Variants in TACC2 observed in about 807,000 individuals in gnomAD.
The protein encoded by TACC2 is transforming acidic coiled-coil-containing protein 2.
A neutral mutation model predicts 227.3 loss-of-function variants in TACC2; 137 were observed. The ratio of observed to expected loss-of-function variants is 0.60; its 90% CI spans 0.52 to 0.69. The LOEUF is 0.69. Ranked by LOEUF, TACC2 falls within the 30% of genes least tolerant of loss-of-function variation. TACC2 has a pLI of 0.00. For missense variants in TACC2, 3,470 were observed against 3,694.4 expected, an observed-to-expected ratio of 0.94 and a Z score of 1.57; for synonymous variants, 1,523 against 1,487.5, an observed-to-expected ratio of 1.02 and a Z score of -0.55.
chr10:122,238,527 A>C (rs1381951706), intron 18 of TACC2, among the ~76,000 whole-genome samples: 1 of 152,154 alleles, frequency 6.6e-6, no homozygotes, highest in Non-Finnish European at 1.5e-5. Flanking sequence ...GGCTCACTGC[A>C]ACCTCCAACT....
chr10:122,178,578 C>G (rs1026214882), intron 7 of TACC2, among the ~76,000 whole-genome samples: 4 of 151,082 alleles, frequency 2.6e-5, no homozygotes, highest in African/African-American at 4.9e-5. Flanking sequence ...GCATCCTGTG[C>G]TGAGTTAAGA....
intron 18 of TACC2, among the ~76,000 whole-genome samples, chr10:122,240,363 G>A (rs923583797): frequency 2.0e-5 from 3 of 152,106 alleles, no homozygotes; most frequent in African/African-American, 4.8e-5. Context: ...AAGAACCCTC[G>A]GAGGCTCATC....
chr10:122,078,897 A>G (rs927287152), intron 3 of TACC2: 1 of 152,220 alleles, frequency 6.6e-6, no homozygotes, highest in Non-Finnish European at 1.5e-5. Context: ...TACTCCATGG[A>G]AAATTTGTTC....
chr10:122,025,612 T>A (rs1565098506), intron 2 of TACC2, among the ~76,000 whole-genome samples: 1 of 144,580 alleles, frequency 6.9e-6, no homozygotes, highest in South Asian at 2.2e-4. Context: ...CTTGCTCTGT[T>A]GCCCAGGCTG....
At chr10:122,082,578 G>T (rs962547637) in intron 3 of TACC2, 69 bp from the exon 4 acceptor site, 4 of 1,526,628 alleles carry the variant, frequency 2.6e-6, no homozygotes, top group African/African-American at 2.8e-5. Context: ...GGGTTGGGGG[G>T]TGACCTGCCT....
rs200150846 is a variant in TACC2, at chr10:122,087,465, G to A, written c.4965G>A (p.Thr1655=). The part of the protein sequence containing the change: ...EANSEPWTLD[T]LGGERRPGVT... ...ACAGTGAGCCCTGGACCCTTGACACGCTTGGGGGTGAAAGGAGACCCGGAG... is the reference window on the plus strand; with the variant it reads ...ACAGTGAGCCCTGGACCCTTGACACACTTGGGGGTGAAAGGAGACCCGGAG... Residue 1655 remains threonine (T), a synonymous_variant, in exon 4 of 23, where the codon ACG becomes ACA. Transcript: ENST00000369005. 44 of 1,613,910 alleles carry A rather than the reference G, an allele frequency of 2.7e-5. No homozygotes were observed. The highest frequency in any genetic ancestry group is 4.5e-5 in the East Asian group (2 of 44,892).
intron 6 of TACC2, among the ~76,000 whole-genome samples, chr10:122,134,133 T>A (rs943610594): frequency 2.0e-5 from 3 of 151,742 alleles, no homozygotes; most frequent in African/African-American, 7.3e-5. Context: ...ATGTGGAAAT[T>A]TAGACGTTCC....
At chr10:122,079,717 C>CAGAATAAAATTCAT in intron 3 of TACC2, among the ~76,000 whole-genome samples, 1 of 152,310 alleles carries the variant, frequency 6.6e-6, no homozygotes, top group South Asian at 2.1e-4. Flanking sequence ...TTCTGCATAG[C>CAGAATAAAATTCAT]AGAGTGAATA....
At chr10:122,057,499 A>C (rs556248134) in intron 3 of TACC2, among the ~76,000 whole-genome samples, 1 of 152,054 alleles carries the variant, frequency 6.6e-6, no homozygotes, top group African/African-American at 2.4e-5. Context: ...GGGACCCTAA[A>C]GAAGCCTTAA....
chr10:122,148,386 G>A (rs56001546), intron 7 of TACC2, among the ~76,000 whole-genome samples: 10,346 of 152,314 alleles, frequency 0.068, 482 homozygotes, highest in Admixed American at 0.13. Flanking sequence ...TTACAGGCGT[G>A]AGCCACCATG....
intron 2 of TACC2, chr10:122,033,201 C>G (rs149250138): frequency 1.6e-6 from 2 of 1,217,732 alleles, no homozygotes; most frequent in African/African-American, 3.1e-5. Context: ...CAGCCCCTTC[C>G]TAACGTCTAG....
intron 8 of TACC2, among the ~76,000 whole-genome samples, chr10:122,207,762 G>A (rs570593455): frequency 1.3e-5 from 2 of 152,230 alleles, no homozygotes; most frequent in South Asian, 4.1e-4. Context: ...AGATGGTTAA[G>A]CTCATTGTTG....
rs367907494 is a variant in TACC2, at chr10:122,215,484, GC to G, written c.7344+41del. 7.1e-4 allele frequency: 1,114 copies of G among 1,577,568 alleles called. 6 individuals carry two copies. The African/African-American group carries it at 0.011, about 16-fold the overall frequency. ...GTTCCTTTGATCTTGATGGTTTTAT[GC>G]CCCCCCCGGGGGAGGTTTTCTTCGC... On this transcript the variant is annotated intron_variant, in intron 10 of 22. Transcript: ENST00000369005.
At chr10:122,237,675 G>A (rs1175330137) in intron 17 of TACC2, 137 bp downstream of exon 17, 41 of 1,139,414 alleles carry the variant, frequency 3.6e-5, no homozygotes, top group Middle Eastern at 5.7e-4. Flanking sequence ...CACACCATGC[G>A]TTTTGATCTT....
Position 122,205,833 on chromosome 10 carries a change from C to G in TACC2, c.5972-4564C>G, listed in dbSNP as rs1190274688. Among the ~76,000 whole-genome samples the G allele has an allele frequency of 6.6e-6, 1 of 152,200 alleles. No homozygotes were observed. Among genetic ancestry groups the G allele is most frequent in the African/African-American group, 2.4e-5 (1 of 41,452 alleles). ...ACTTGCTCTGAGCTACCCACAGCAA[C>G]CAGCAAACTGCCACAGAAAGACCAA... On this transcript the variant is annotated intron_variant, in intron 8 of 22. Coordinates refer to ENST00000369005, the MANE Select transcript of TACC2 (RefSeq NM_206862.4). This position sits in a 1 kb window ranked among gnomAD's most constrained non-coding sequence, Gnocchi z 4.5.
chr10:122,122,755 T>C lies in TACC2; in HGVS notation c.5574-9854T>C, dbSNP rs112081880. Among the ~76,000 whole-genome samples, 320 of 152,278 alleles carry C rather than the reference T, an allele frequency of 2.1e-3. 1 individual carries two copies. Among genetic ancestry groups the C allele is most frequent in the African/African-American group, 7.1e-3 (295 of 41,572 alleles). Reference sequence around the variant, plus strand: ...CGCCCTCTTAAGGGGAGGGGCTGCATGAGTGAGTGTGTGCAGAGCCCTTCG... The same window carrying C: ...CGCCCTCTTAAGGGGAGGGGCTGCACGAGTGAGTGTGTGCAGAGCCCTTCG... On this transcript the variant is annotated intron_variant, in intron 5 of 22. Transcript: ENST00000369005.
intron 3 of TACC2, chr10:122,078,942 A>C (rs959561220): frequency 1.3e-5 from 2 of 152,252 alleles, no homozygotes; most frequent in African/African-American, 4.8e-5. Flanking sequence ...ACAAGTTTAC[A>C]AGATGCCAAA....
In TACC2 at chr10:122,185,186, CTTTTTTTTTT is replaced by C. The variant is rs761611487; in HGVS notation, c.5835-9848_5835-9839del. ...TGGCCTATCACATACTCTTTTCTTT[CTTTTTTTTTT>C]TTTTTGAGATGGAGTTTTGAGTTTT... On this transcript the variant is annotated intron_variant, in intron 7 of 22. Coordinates refer to ENST00000369005, the MANE Select transcript of TACC2 (RefSeq NM_206862.4). Among the ~76,000 whole-genome samples, 3 of 138,468 alleles carry C rather than the reference CTTTTTTTTTT, an allele frequency of 2.2e-5. No homozygotes were observed. The South Asian group carries it at 7.0e-4, about 32-fold the overall frequency. 90.8% of individuals were successfully genotyped at this position (138,468 alleles called of 152,430 possible). A position where few individuals can be genotyped will look rare whatever the true frequency, so the allele number is the denominator to read the frequency against.
At chr10:122,195,279 C>A in intron 8 of TACC2, 103 bp downstream of exon 8, 1 of 1,044,254 alleles carries the variant, frequency 9.6e-7, no homozygotes, top group Non-Finnish European at 1.4e-6. Flanking sequence ...CGAGCACTGA[C>A]TCGACCTCTT....
Sources: allele counts gnomAD v4.1 joint callset (sites outside exome capture counted in the v4.1 genomes callset), GRCh38; gene constraint gnomAD v4.1.1; non-coding constraint Gnocchi (gnomAD v3.1); transcripts MANE v1.5; gene names NCBI Gene and HGNC (gene_info 2026-07-23, HGNC 2026-07-21).